PCCB: variants seen among roughly 807,000 people sequenced by gnomAD.
PCCB encodes propionyl-CoA carboxylase beta chain, mitochondrial.
PCCB carries 43 observed loss-of-function variants against 60.7 expected under a neutral mutation model. The ratio of observed to expected loss-of-function variants is 0.71; its 90% confidence interval spans 0.55 to 0.91. The LOEUF is 0.91. PCCB is among the 40% of genes least tolerant of loss of function. PCCB has a pLI of 0.00. For missense variants in PCCB, 766 were observed against 702.8 expected, an observed-to-expected ratio of 1.09 and a Z score of -1.02; for synonymous variants, 276 against 255.9, an observed-to-expected ratio of 1.08 and a Z score of -0.75.
chr3:136,317,598 A>C (rs1934954640), intron 10 of PCCB, among the ~76,000 whole-genome samples: 1 of 152,092 alleles, frequency 6.6e-6, no homozygotes, highest in Non-Finnish European at 1.5e-5. Flanking sequence ...TAGGAAACTT[A>C]CATTCTTAGT....
intron 9 of PCCB, among the ~76,000 whole-genome samples, chr3:136,314,327 A>G (rs1560026935): frequency 1.3e-5 from 2 of 152,204 alleles, no homozygotes; most frequent in South Asian, 2.1e-4. Context: ...AAAGGCAAAG[A>G]TCTTTCTTGT....
intron 10 of PCCB, among the ~76,000 whole-genome samples, chr3:136,321,372 A>G (rs1935102657): frequency 6.6e-6 from 1 of 152,240 alleles, no homozygotes. Context: ...TCACACTGCT[A>G]TAAAGACACC....
chr3:136,281,751 TCTC>T (rs1164621093), intron 5 of PCCB, among the ~76,000 whole-genome samples: 1 of 152,188 alleles, frequency 6.6e-6, no homozygotes, highest in East Asian at 1.9e-4. Flanking sequence ...GAAGTCTAGT[TCTC>T]CTACTTTTCA....
chr3:136,312,319 G>A (rs1236100079), intron 9 of PCCB, among the ~76,000 whole-genome samples: 4 of 152,158 alleles, frequency 2.6e-5, no homozygotes, highest in African/African-American at 9.7e-5. Context: ...TGTATAGCAC[G>A]TTACTGTACC....
intron 5 of PCCB, among the ~76,000 whole-genome samples, chr3:136,268,478 T>TA (rs1460326022): frequency 1.3e-5 from 2 of 151,394 alleles, no homozygotes; most frequent in Non-Finnish European, 2.9e-5. Flanking sequence ...TTTTTTTTTT[T>TA]TTTTAGATGT....
In PCCB at chr3:136,308,191, T is replaced by C. The variant is rs79575384; in HGVS notation, c.966+7080T>C. On this transcript the variant is annotated intron_variant, in intron 9 of 14. Coordinates refer to ENST00000251654, the MANE Select transcript of PCCB (RefSeq NM_000532.5). ...AACAGCAGTATTTGTGACACTAATA[T>C]TGAACAGAGTAAAGTTCAGGTATTA... 7.7e-3 allele frequency among the ~76,000 whole-genome samples: 1,161 copies of C among 151,734 alleles called. 19 individuals are homozygous for C. The highest frequency in any genetic ancestry group is 0.025 in the African/African-American group (1,051 of 41,338).
At chr3:136,253,693 C>A (rs1941590515) in intron 1 of PCCB, among the ~76,000 whole-genome samples, 2 of 132,494 alleles carry the variant, frequency 1.5e-5, no homozygotes, top group South Asian at 2.5e-4. Flanking sequence ...TTTCTTGAGA[C>A]AGGGTCTTAC....
At position 136,309,396 on chromosome 3, in the gene PCCB, A is replaced by G. The variant is rs1934573461; in HGVS notation, c.967-7545A>G. On this transcript the variant is annotated intron_variant, in intron 9 of 14. Coordinates refer to ENST00000251654, the MANE Select transcript of PCCB (RefSeq NM_000532.5). ...ATAAATGCAGAAATTTATGATGGAAATAGAAGAATAGCTGCAATTAGTAAA... is the reference window on the plus strand; with the variant it reads ...ATAAATGCAGAAATTTATGATGGAAGTAGAAGAATAGCTGCAATTAGTAAA... 1.3e-5 allele frequency among the ~76,000 whole-genome samples: 2 copies of G among 152,262 alleles called. 1 individual carries two copies. The highest frequency in any genetic ancestry group is 4.1e-4 in the South Asian group (2 of 4,838).
intron 5 of PCCB, among the ~76,000 whole-genome samples, chr3:136,268,958 G>A (rs1277642200): frequency 6.6e-6 from 1 of 152,096 alleles, no homozygotes; most frequent in Non-Finnish European, 1.5e-5. Context: ...TACCTGTCTT[G>A]CACTTCTTTT....
chr3:136,268,096 A>ATATATATATATATG lies in PCCB; in HGVS notation c.543+6044_543+6045insGTATATATATATAT, dbSNP rs1553775750. ...TGTGTGTGTGTGTGTAGATATATAT[A>ATATATATATATATG]TATATATATATATATATATATATAT... is the stretch of plus-strand genomic sequence containing the variant. On this transcript the variant is annotated intron_variant, in intron 5 of 14. Transcript: ENST00000251654. Among the ~76,000 whole-genome samples the ATATATATATATATG allele has an allele frequency of 6.5e-4, 69 of 106,496 alleles. 1 individual carries two copies. Among genetic ancestry groups the ATATATATATATATG allele is most frequent in the South Asian group, 1.1e-3 (4 of 3,676 alleles). The allele number at this position is 106,496 out of a possible 152,430, so 69.9% of individuals were successfully genotyped here.
At chr3:136,310,454 T>C (rs924574695) in intron 9 of PCCB, among the ~76,000 whole-genome samples, 45 of 151,892 alleles carry the variant, frequency 3.0e-4, no homozygotes, top group African/African-American at 9.4e-4. Flanking sequence ...CCCAGGAAGT[T>C]GAGGGAGCAG....
intron 14 of PCCB, among the ~76,000 whole-genome samples, chr3:136,329,530 G>GT (rs1456431046): frequency 4.6e-5 from 7 of 152,220 alleles, no homozygotes; most frequent in Non-Finnish European, 7.3e-5. Context: ...GAAGAGAGAA[G>GT]TGGTAAAGTC....
rs1442179765 is a variant in PCCB at position 136,268,638 on chromosome 3, A to T, written c.543+6573A>T. On this transcript the variant is annotated intron_variant, in intron 5 of 14. Transcript: ENST00000251654. The stretch of plus-strand genomic sequence containing the variant: ...GCCAGCACACCTAGCTAATTTTTGT[A>T]TTTTTAGTGGAGATAGGGTTTCACC... Among the ~76,000 whole-genome samples, 3 of 151,820 alleles carry T rather than the reference A, an allele frequency of 2.0e-5. No homozygotes were observed. In the East Asian group the frequency reaches 5.8e-4, roughly 30 times the overall value.
At chr3:136,268,093 T>TATATATATAG (rs1942070544) in intron 5 of PCCB, among the ~76,000 whole-genome samples, 2 of 85,526 alleles carry the variant, frequency 2.3e-5, no homozygotes, top group African/African-American at 1.5e-4. Context: ...TGTAGATATA[T>TATATATATAG]ATATATATAT....
At chr3:136,281,675 T>C (rs1942478525) in intron 5 of PCCB, among the ~76,000 whole-genome samples, 1 of 152,146 alleles carries the variant, frequency 6.6e-6, no homozygotes, top group African/African-American at 2.4e-5. Context: ...TACTTGCTTA[T>C]TTCTTTGTAT....
At chr3:136,324,403 C>T (rs539434945) in intron 10 of PCCB, among the ~76,000 whole-genome samples, 1 of 152,304 alleles carries the variant, frequency 6.6e-6, no homozygotes, top group African/African-American at 2.4e-5. Flanking sequence ...GAGATCAGCT[C>T]AAGGTTAAAG....
chr3:136,320,888 G>C (rs1935084377), intron 10 of PCCB, among the ~76,000 whole-genome samples: 2 of 152,182 alleles, frequency 1.3e-5, no homozygotes, highest in South Asian at 4.1e-4. Flanking sequence ...AGTGGGCATG[G>C]TTGTCTTGTT....
chr3:136,315,275 C>T (rs1271054684), intron 9 of PCCB, among the ~76,000 whole-genome samples: 4 of 152,148 alleles, frequency 2.6e-5, no homozygotes, highest in Non-Finnish European at 4.4e-5. Context: ...CGGTGGCTCA[C>T]GCCTGTAATC....
At position 136,297,858 on chromosome 3, in the gene PCCB, T is replaced by A. The variant is rs1028444930; in HGVS notation, c.764-94T>A. 8 of 1,402,198 alleles carry A rather than the reference T, an allele frequency of 5.7e-6. No homozygotes were observed. In the Admixed American group the frequency reaches 1.3e-4, roughly 24 times the overall value. The allele number at this position is 1,402,198 out of a possible 1,614,324, so 86.9% of individuals were successfully genotyped here. On this transcript the variant is annotated intron_variant, in intron 7 of 14. Coordinates refer to ENST00000251654, the MANE Select transcript of PCCB (RefSeq NM_000532.5). ...CAGAGCTATCAGCACGGTCTGCTAC[T>A]GACATGCCCTAGAAGGGCGCAGTCA... is the stretch of plus-strand genomic sequence containing the variant.
Sources: allele counts gnomAD v4.1 joint callset (sites outside exome capture counted in the v4.1 genomes callset), GRCh38; gene constraint gnomAD v4.1.1; transcripts MANE v1.5; gene names NCBI Gene and HGNC (gene_info 2026-07-23, HGNC 2026-07-21).